DTNA: variants seen among roughly 807,000 people sequenced by gnomAD.
DTNA encodes dystrophin-related protein 3.
In DTNA, 43 loss-of-function variants were observed where a neutral mutation model predicts 100.7. The ratio of observed to expected loss-of-function variants is 0.43; its 90% CI spans 0.33 to 0.55. DTNA has a LOEUF of 0.55. DTNA is among the 20% of genes least tolerant of loss of function. The pLI, the probability that DTNA is intolerant of heterozygous loss-of-function variation, is 0.04. For synonymous variants in DTNA, 349 were observed against 347.9 expected, an observed-to-expected ratio of 1.00 and a Z score of -0.04; for missense variants, 798 against 953.9, an observed-to-expected ratio of 0.84 and a Z score of 2.15.
chr18:34,599,075 G>A (rs2051245384), intron 1 of DTNA, among the ~76,000 whole-genome samples: 1 of 152,110 alleles, frequency 6.6e-6, no homozygotes, highest in Admixed American at 6.5e-5. Context: ...CATTTATTGT[G>A]AGGCTTTGAT....
intron 1 of DTNA, among the ~76,000 whole-genome samples, chr18:34,534,499 A>C (rs543023372): frequency 6.6e-6 from 1 of 152,106 alleles, no homozygotes; most frequent in Admixed American, 6.5e-5. Context: ...TTTTAACTTT[A>C]AGTTCTGGAA....
chr18:34,734,892 A>G (rs1425987728), intron 1 of DTNA, among the ~76,000 whole-genome samples: 2 of 152,140 alleles, frequency 1.3e-5, no homozygotes, highest in African/African-American at 4.8e-5. Context: ...AGTCCTTAGC[A>G]TTTTGTGGTC....
rs138659060 is a variant in DTNA at position 34,672,987 on chromosome 18, C to T, written c.-1-82989C>T. ...ATCAAAACACACACACACACATACC[C>T]GCAGTTTAAAAACTCCATGTTTCTT... On this transcript the variant is annotated intron_variant, in intron 1 of 19. Coordinates refer to the DTNA transcript ENST00000283365. Among the ~76,000 whole-genome samples, 752 of 152,160 alleles carry T rather than the reference C, an allele frequency of 4.9e-3. 5 individuals carry two copies. Among genetic ancestry groups the T allele is most frequent in the African/African-American group, 0.017 (712 of 41,524 alleles).
chr18:34,577,707 T>C (rs571146589), intron 1 of DTNA, among the ~76,000 whole-genome samples: 2 of 152,332 alleles, frequency 1.3e-5, no homozygotes, highest in African/African-American at 4.8e-5. Flanking sequence ...TATTCCTGAG[T>C]TACTTGACTT....
rs980798997 is a variant in DTNA, at chr18:34,891,735, A to T, written c.*4001A>T. 6.6e-6 allele frequency: 1 copy of T among 152,240 alleles called. No individual in the cohort carries two copies. Among genetic ancestry groups the T allele is most frequent in the African/African-American group, 2.4e-5 (1 of 41,468 alleles). The allele number at this position is 152,240 out of a possible 1,614,324, so 9.4% of individuals were successfully genotyped here. On this transcript the variant is annotated 3_prime_UTR_variant, in exon 23 of 23. Coordinates refer to ENST00000444659, the MANE Select transcript of DTNA (RefSeq NM_001386795.1). ...TATCACACACTGTTCTTAACACTTT[A>T]TGTGACTTCACTCAATTCTTTGAAT...
intron 1 of DTNA, among the ~76,000 whole-genome samples, chr18:34,577,773 T>C (rs2048247203): frequency 1.3e-5 from 2 of 152,210 alleles, no homozygotes; most frequent in African/African-American, 4.8e-5. Context: ...AATTCATTCC[T>C]TTTTAAGGCT....
At chr18:34,803,352 A>C (rs1194959741) in intron 4 of DTNA, among the ~76,000 whole-genome samples, 1 of 151,626 alleles carries the variant, frequency 6.6e-6, no homozygotes, top group Non-Finnish European at 1.5e-5. Flanking sequence ...TAGTATCATC[A>C]ATCTTCCATT....
intron 1 of DTNA, among the ~76,000 whole-genome samples, chr18:34,553,196 A>T (rs1414584751): frequency 2.0e-5 from 3 of 151,580 alleles, no homozygotes; most frequent in Non-Finnish European, 2.9e-5. Context: ...GTGTCTGTTC[A>T]TGTCTTTTGC....
At chr18:34,815,181 A>G (rs1175118732) in intron 6 of DTNA, among the ~76,000 whole-genome samples, 1 of 152,072 alleles carries the variant, frequency 6.6e-6, no homozygotes, top group Non-Finnish European at 1.5e-5. Flanking sequence ...TCAAGTAGTG[A>G]TTTTTGCATA....
intron 14 of DTNA, among the ~76,000 whole-genome samples, chr18:34,848,887 T>TATTA (rs1424501730): frequency 6.6e-6 from 1 of 152,234 alleles, no homozygotes; most frequent in East Asian, 1.9e-4. Flanking sequence ...GGTGAGTTGC[T>TATTA]ATTAGTGCGT....
intron 1 of DTNA, among the ~76,000 whole-genome samples, chr18:34,705,269 A>G (rs562006726): frequency 2.2e-4 from 33 of 152,246 alleles, no homozygotes; most frequent in African/African-American, 6.0e-4. Context: ...GTGCCTTTAG[A>G]TATACTGCCG....
At chr18:34,849,893 G>T (rs1229999787) in intron 14 of DTNA, among the ~76,000 whole-genome samples, 2 of 152,194 alleles carry the variant, frequency 1.3e-5, no homozygotes, top group African/African-American at 2.4e-5. Flanking sequence ...GCCCCTTTCA[G>T]CATTTGCATT....
At chr18:34,512,698 T>C (rs973256113) in intron 1 of DTNA, among the ~76,000 whole-genome samples, 4 of 152,044 alleles carry the variant, frequency 2.6e-5, no homozygotes, top group African/African-American at 9.7e-5. Flanking sequence ...ATTACATAAA[T>C]TGCTGAGCAT....
intron 13 of DTNA, among the ~76,000 whole-genome samples, chr18:34,843,276 A>G (rs2096305741): frequency 6.6e-6 from 1 of 152,178 alleles, no homozygotes; most frequent in Non-Finnish European, 1.5e-5. Flanking sequence ...AGCACCAGCA[A>G]TTCACTGATG....
chr18:34,847,629 T>C (rs966012904), intron 13 of DTNA, among the ~76,000 whole-genome samples: 2 of 152,120 alleles, frequency 1.3e-5, no homozygotes, highest in Admixed American at 1.3e-4. Context: ...CTTGCTTGGG[T>C]TTCTCATCAC....
At chr18:34,616,483 C>T (rs564112041) in intron 1 of DTNA, among the ~76,000 whole-genome samples, 16 of 152,210 alleles carry the variant, frequency 1.1e-4, no homozygotes, top group Admixed American at 3.3e-4. Context: ...TACTATCCAG[C>T]GTCTACTATC....
chr18:34,518,376 T>G (rs1397384264), intron 1 of DTNA, among the ~76,000 whole-genome samples: 1 of 152,138 alleles, frequency 6.6e-6, no homozygotes, highest in Non-Finnish European at 1.5e-5. Context: ...ATCTTGTCTT[T>G]TTTTCTTGTT....
intron 4 of DTNA, among the ~76,000 whole-genome samples, chr18:34,800,539 GTTAA>G (rs1292458568): frequency 2.0e-5 from 3 of 152,170 alleles, no homozygotes; most frequent in Non-Finnish European, 2.9e-5. Flanking sequence ...AATTCTCTCC[GTTAA>G]TTAAGCCACC....
chr18:34,636,608 C>CT (rs2058693421), intron 1 of DTNA, among the ~76,000 whole-genome samples: 1 of 152,248 alleles, frequency 6.6e-6, no homozygotes, highest in Admixed American at 6.5e-5. Flanking sequence ...GTGAATAAAG[C>CT]TGGTAACATG....
Sources: allele counts gnomAD v4.1 joint callset (sites outside exome capture counted in the v4.1 genomes callset), GRCh38; gene constraint gnomAD v4.1.1; transcripts MANE v1.5; gene names NCBI Gene and HGNC (gene_info 2026-07-23, HGNC 2026-07-21).